ANKRD6: variants seen among roughly 807,000 people sequenced by gnomAD.
ANKRD6 encodes ankyrin repeat domain-containing protein 6.
A neutral mutation model predicts 82.3 loss-of-function variants in ANKRD6; 56 were observed. The observed-to-expected ratio is 0.68, with a 90% CI of 0.55 to 0.85. The LOEUF (loss-of-function observed/expected upper bound fraction) is 0.85. ANKRD6 is among the 40% of genes least tolerant of loss of function. ANKRD6 has a pLI of 0.00. For missense variants in ANKRD6, 852 were observed against 907.6 expected (o/e 0.94, Z 0.79); for synonymous variants, 347 against 352.1 (o/e 0.99, Z 0.16).
chr6:89,465,312 G>A (rs186947262), intron 1 of ANKRD6, among the ~76,000 whole-genome samples: 1 of 151,550 alleles, frequency 6.6e-6, no homozygotes, highest in African/African-American at 2.4e-5. Flanking sequence ...GTAGAGATGG[G>A]GTTTCACCAT....
Position 89,433,987 on chromosome 6 carries a change from G to T in ANKRD6, c.-144+612G>T, listed in dbSNP as rs1441406321. Among the ~76,000 whole-genome samples the T allele has an allele frequency of 6.6e-6, 1 of 152,210 alleles. No homozygotes were observed. The highest frequency in any genetic ancestry group is 6.5e-5 in the Admixed American group (1 of 15,286). ...TGGGCTTTTAAGTGTGTTGCTTCCG[G>T]TAGATCTCGGGGACTGGAGGGGAAG... On this transcript the variant is annotated intron_variant, in intron 1 of 15. Coordinates refer to ENST00000339746, the MANE Select transcript of ANKRD6 (RefSeq NM_001242809.2). This position sits in a 1 kb window ranked among gnomAD's most constrained non-coding sequence, Gnocchi z 4.3.
chr6:89,446,978 C>T (rs896515841), intron 1 of ANKRD6, among the ~76,000 whole-genome samples: 10 of 152,126 alleles, frequency 6.6e-5, no homozygotes, highest in Admixed American at 3.3e-4. Context: ...CCCAGCCCTG[C>T]GGAACTGAGT....
intron 3 of ANKRD6, among the ~76,000 whole-genome samples, chr6:89,599,472 G>A (rs1182510299): frequency 6.6e-6 from 1 of 152,196 alleles, no homozygotes; most frequent in Non-Finnish European, 1.5e-5. Context: ...GACTTAGGTA[G>A]GTATCATATG....
At chr6:89,469,369 T>G (rs997852502) in intron 1 of ANKRD6, among the ~76,000 whole-genome samples, 2 of 152,264 alleles carry the variant, frequency 1.3e-5, no homozygotes, top group African/African-American at 4.8e-5. Flanking sequence ...TCCTTTCAAT[T>G]TGTAAGTCCA....
At chr6:89,510,232 CTTATG>C (rs1316099128) in intron 1 of ANKRD6, among the ~76,000 whole-genome samples, 1 of 152,188 alleles carries the variant, frequency 6.6e-6, no homozygotes, top group Admixed American at 6.5e-5. Flanking sequence ...GCAAAATCAA[CTTATG>C]TTATTTAGCC....
chr6:89,580,411 G>A (rs1054940460), intron 2 of ANKRD6, among the ~76,000 whole-genome samples: 2 of 152,050 alleles, frequency 1.3e-5, no homozygotes, highest in African/African-American at 4.8e-5. Flanking sequence ...TTCAATTGTA[G>A]TAAAGTAGTA....
intron 1 of ANKRD6, among the ~76,000 whole-genome samples, chr6:89,458,698 C>A (rs1323592855): frequency 1.3e-5 from 2 of 152,190 alleles, no homozygotes; most frequent in African/African-American, 4.8e-5. Flanking sequence ...GGTGCCCACC[C>A]AGATTGAGGG....
chr6:89,472,097 C>T (rs1349246413), intron 1 of ANKRD6, among the ~76,000 whole-genome samples: 1 of 152,082 alleles, frequency 6.6e-6, no homozygotes, highest in Non-Finnish European at 1.5e-5. Flanking sequence ...CTTGCAGATG[C>T]AGCACTCCAA....
intron 1 of ANKRD6, among the ~76,000 whole-genome samples, chr6:89,494,062 G>A (rs570761756): frequency 6.6e-5 from 10 of 152,130 alleles, no homozygotes; most frequent in Non-Finnish European, 1.5e-4. Context: ...CAACACAAGT[G>A]AGTAGGAGGA....
intron 1 of ANKRD6, among the ~76,000 whole-genome samples, chr6:89,498,949 A>G (rs1253212375): frequency 6.6e-6 from 1 of 152,160 alleles, no homozygotes; most frequent in Admixed American, 6.5e-5. Context: ...GCCCATTCCC[A>G]ACCACTCTCT....
chr6:89,468,355 G>A (rs944322410), intron 1 of ANKRD6, among the ~76,000 whole-genome samples: 1 of 152,050 alleles, frequency 6.6e-6, no homozygotes, highest in Non-Finnish European at 1.5e-5. Context: ...AATCAGCAGA[G>A]CACAAATCAA....
At chr6:89,470,682 T>TTTTC (rs1775339672) in intron 1 of ANKRD6, among the ~76,000 whole-genome samples, 1 of 21,662 alleles carries the variant, frequency 4.6e-5, no homozygotes, top group African/African-American at 2.9e-4. Context: ...TTTTTCTGTT[T>TTTTC]TGTTTTGTTT....
intron 2 of ANKRD6, among the ~76,000 whole-genome samples, chr6:89,572,530 T>G (rs1273728138): frequency 6.6e-6 from 1 of 152,256 alleles, no homozygotes; most frequent in African/African-American, 2.4e-5. Context: ...ATTTTCAAGC[T>G]TGATGTCCCA....
At chr6:89,610,407 G>A (rs1334213830) in intron 5 of ANKRD6, among the ~76,000 whole-genome samples, 1 of 152,042 alleles carries the variant, frequency 6.6e-6, no homozygotes, top group South Asian at 2.1e-4. Flanking sequence ...AGATTCCTCC[G>A]TGTCGTTACA....
At chr6:89,470,662 G>A (rs1251707829) in intron 1 of ANKRD6, among the ~76,000 whole-genome samples, 3 of 55,126 alleles carry the variant, frequency 5.4e-5, no homozygotes, top group African/African-American at 2.6e-4. Flanking sequence ...CTTTAAATGA[G>A]CATTTCTGTT....
Position 89,620,786 on chromosome 6 carries a change from C to G in ANKRD6, c.793-1136C>G, listed in dbSNP as rs1012461406. On this transcript the variant is annotated intron_variant, in intron 9 of 15. Transcript: ENST00000339746. ...TTCTTTTTTAAAAATAAAGACGAGG[C>G]CGGGTGCGGTGGCTCATGCCTGTAA... is the stretch of plus-strand genomic sequence containing the variant. Among the ~76,000 whole-genome samples, 12 of 152,196 alleles carry G rather than the reference C, an allele frequency of 7.9e-5. No homozygotes were observed. The South Asian group carries it at 2.1e-3, about 26-fold the overall frequency.
intron 1 of ANKRD6, among the ~76,000 whole-genome samples, chr6:89,442,701 A>G (rs1052601514): frequency 6.6e-6 from 1 of 151,912 alleles, no homozygotes; most frequent in Non-Finnish European, 1.5e-5. Context: ...TTTGGTTCAA[A>G]GATTTTCTCA....
chr6:89,555,445 G>A (rs1786460122), intron 1 of ANKRD6, among the ~76,000 whole-genome samples: 1 of 152,086 alleles, frequency 6.6e-6, no homozygotes, highest in Admixed American at 6.6e-5. Context: ...TTATACATAA[G>A]GGAGTGGGCT....
chr6:89,591,581 T>C (rs1348799272), intron 2 of ANKRD6, among the ~76,000 whole-genome samples: 1 of 152,220 alleles, frequency 6.6e-6, no homozygotes, highest in Non-Finnish European at 1.5e-5. Flanking sequence ...GTTCCAGCTT[T>C]TCCCATTAGT....
Sources: allele counts gnomAD v4.1 joint callset (sites outside exome capture counted in the v4.1 genomes callset), GRCh38; gene constraint gnomAD v4.1.1; non-coding constraint Gnocchi (gnomAD v3.1); transcripts MANE v1.5; gene names NCBI Gene and HGNC (gene_info 2026-07-23, HGNC 2026-07-21).